The following RBM25 variants were observed in gnomAD, a reference collection of about 807,000 sequenced individuals.
The protein encoded by RBM25 is RNA-binding protein 25.
A neutral mutation model predicts 120.7 loss-of-function variants in RBM25; 19 were observed. The observed-to-expected ratio is 0.16, with a 90% CI of 0.11 to 0.23. The LOEUF is 0.23. Among genes scored for constraint, RBM25 ranks in the 10% least tolerant of loss-of-function variants. RBM25 has a pLI of 1.00. For missense variants in RBM25, 605 were observed against 1,041.5 expected, an observed-to-expected ratio of 0.58 and a Z score of 5.77; for synonymous variants, 390 against 326.7, an observed-to-expected ratio of 1.19 and a Z score of -2.09.
chr14:73,075,084 G>A (rs1041409905), intron 2 of RBM25, among the ~76,000 whole-genome samples: 6 of 151,240 alleles, frequency 4.0e-5, no homozygotes, highest in East Asian at 1.9e-4. Context: ...CTAGCACACC[G>A]CAGCCTTGAA....
chr14:73,090,708 T>C (rs1895794765), intron 6 of RBM25, among the ~76,000 whole-genome samples: 1 of 152,188 alleles, frequency 6.6e-6, no homozygotes, highest in Non-Finnish European at 1.5e-5. Flanking sequence ...CCATATTCTC[T>C]TTCAACCCCC....
intron 6 of RBM25, among the ~76,000 whole-genome samples, chr14:73,092,832 G>A (rs1381067243): frequency 1.3e-5 from 2 of 152,104 alleles, no homozygotes; most frequent in African/African-American, 4.8e-5. Flanking sequence ...CTCCCAAAGT[G>A]CTGGGTTTAC....
chr14:73,093,948 G>GTTT lies in RBM25; in HGVS notation c.544-2951_544-2949dup, dbSNP rs1004873413. Among the ~76,000 whole-genome samples the GTTT allele has an allele frequency of 7.3e-3, 895 of 122,164 alleles. 27 individuals carry two copies. Among genetic ancestry groups the GTTT allele is most frequent in the African/African-American group, 0.026 (798 of 31,002 alleles). 80.1% of individuals were successfully genotyped at this position (122,164 alleles called of 152,430 possible). The stretch of plus-strand genomic sequence containing the variant: ...TGATCATCTACCATGATCAGGTTTT[G>GTTT]TTTTTTTTTTTTTTTTTTCTTGAGA... On this transcript the variant is annotated intron_variant, in intron 6 of 18. Transcript: ENST00000261973.
chr14:73,109,302 C>A, intron 13 of RBM25, 40 bp from the exon 14 acceptor site: 1 of 1,584,720 alleles, frequency 6.3e-7, no homozygotes, highest in South Asian at 1.2e-5. Flanking sequence ...TCTCAATGAT[C>A]GGAGTATTAA....
At chr14:73,083,828 C>T (rs1895620622) in intron 5 of RBM25, among the ~76,000 whole-genome samples, 2 of 151,278 alleles carry the variant, frequency 1.3e-5, no homozygotes, top group African/African-American at 4.8e-5. Context: ...TCTTTTGTCT[C>T]AAGAAATGAC....
At chr14:73,090,451 C>T (rs1024457484) in intron 6 of RBM25, among the ~76,000 whole-genome samples, 1 of 152,230 alleles carries the variant, frequency 6.6e-6, no homozygotes, top group African/African-American at 2.4e-5. Context: ...TGTACCTCCA[C>T]AGTCTTCCCT....
In RBM25 at chr14:73,122,830, C is replaced by T. The variant is rs1896559894; in HGVS notation, c.*3025C>T. On this transcript the variant is annotated 3_prime_UTR_variant, in exon 19 of 19. Coordinates refer to ENST00000261973, the MANE Select transcript of RBM25 (RefSeq NM_021239.3). Reference sequence around the variant, plus strand: ...TTTCTGGACAGCTCCCAGCTAATGTCATTGCCAACTGATCCAAGACTACAT... The same window carrying T: ...TTTCTGGACAGCTCCCAGCTAATGTTATTGCCAACTGATCCAAGACTACAT... 3 of 152,200 alleles carry T rather than the reference C, an allele frequency of 2.0e-5. No individual in the cohort carries two copies. The highest frequency in any genetic ancestry group is 6.5e-5 in the Admixed American group (1 of 15,282). The allele number at this position is 152,200 out of a possible 1,614,324, so 9.4% of individuals were successfully genotyped here.
At chr14:73,069,213 C>T (rs1895216073) in intron 1 of RBM25, among the ~76,000 whole-genome samples, 1 of 152,124 alleles carries the variant, frequency 6.6e-6, no homozygotes, top group Non-Finnish European at 1.5e-5. Context: ...TGGAATAAAA[C>T]TTTTGTGAAC....
chr14:73,108,226 C>G (rs1465495320), intron 13 of RBM25, among the ~76,000 whole-genome samples: 1 of 151,970 alleles, frequency 6.6e-6, no homozygotes, highest in Admixed American at 6.6e-5. Flanking sequence ...AGGGTCTTAC[C>G]TCGGCTGGAA....
rs991028718 is a variant in RBM25 at position 73,121,889 on chromosome 14, A to G, written c.*2084A>G. 2 of 152,252 alleles carry G rather than the reference A, an allele frequency of 1.3e-5. No homozygotes were observed. Among genetic ancestry groups the G allele is most frequent in the Non-Finnish European group, 2.9e-5 (2 of 68,042 alleles). The allele number at this position is 152,252 out of a possible 1,614,324, so 9.4% of individuals were successfully genotyped here. A position where few individuals can be genotyped will look rare whatever the true frequency, so the allele number is the denominator to read the frequency against. Reference sequence around the variant, plus strand: ...CAGTGAGGTTTGTGACAGGACCTCAACTAAATATATGAATTTGTGCAAGTT... The same window carrying G: ...CAGTGAGGTTTGTGACAGGACCTCAGCTAAATATATGAATTTGTGCAAGTT... On this transcript the variant is annotated 3_prime_UTR_variant, in exon 19 of 19. Transcript: ENST00000261973.
intron 6 of RBM25, among the ~76,000 whole-genome samples, chr14:73,092,766 G>A (rs1468835123): frequency 6.6e-6 from 1 of 151,770 alleles, no homozygotes; most frequent in Non-Finnish European, 1.5e-5. Flanking sequence ...GGGGTCTCGC[G>A]TTGTTGCCCA....
intron 1 of RBM25, among the ~76,000 whole-genome samples, chr14:73,062,039 T>C (rs1895016835): frequency 6.6e-6 from 1 of 151,356 alleles, no homozygotes; most frequent in Non-Finnish European, 1.5e-5. Flanking sequence ...CTGAATGGAC[T>C]TAGCATGAAC....
intron 14 of RBM25, among the ~76,000 whole-genome samples, chr14:73,109,976 C>G (rs1216556033): frequency 1.3e-5 from 2 of 151,750 alleles, no homozygotes; most frequent in East Asian, 3.9e-4. Context: ...CCTCCACTTC[C>G]CAGGCTCCAG....
chr14:73,081,998 C>T (rs1339433538), intron 4 of RBM25, among the ~76,000 whole-genome samples: 2 of 152,054 alleles, frequency 1.3e-5, no homozygotes, highest in African/African-American at 2.4e-5. Context: ...CGTTCTGGAG[C>T]CTTTTTTCAG....
intron 1 of RBM25, among the ~76,000 whole-genome samples, chr14:73,069,091 A>G (rs1163524147): frequency 6.6e-6 from 1 of 151,974 alleles, no homozygotes; most frequent in Non-Finnish European, 1.5e-5. Context: ...TTTAGTAGAG[A>G]TGGGGTTTCA....
chr14:73,110,148 G>A lies in RBM25; in HGVS notation c.1692+656G>A, dbSNP rs371494352. Among the ~76,000 whole-genome samples the A allele has an allele frequency of 5.3e-5, 8 of 149,990 alleles. No homozygotes were observed. In the South Asian group the frequency reaches 1.1e-3, roughly 20 times the overall value. On this transcript the variant is annotated intron_variant, in intron 14 of 18. Coordinates refer to ENST00000261973, the MANE Select transcript of RBM25 (RefSeq NM_021239.3). Reference sequence around the variant, plus strand: ...GATCCGCCCATCTTGGCATCCCAAAGTCCTGGGATTACAGGAGTGAACCAC... The same window carrying A: ...GATCCGCCCATCTTGGCATCCCAAAATCCTGGGATTACAGGAGTGAACCAC...
intron 18 of RBM25, among the ~76,000 whole-genome samples, chr14:73,118,630 A>G (rs1896482266): frequency 6.6e-6 from 1 of 152,188 alleles, no homozygotes; most frequent in African/African-American, 2.4e-5. Flanking sequence ...GTTTTGTCAG[A>G]CATGTATAAT....
At chr14:73,087,014 T>C (rs1454748470) in intron 5 of RBM25, among the ~76,000 whole-genome samples, 1 of 151,988 alleles carries the variant, frequency 6.6e-6, no homozygotes, top group Admixed American at 6.6e-5. Context: ...CTAAAGGTAC[T>C]TTTTTGAGGG....
chr14:73,111,689 G>C lies in RBM25; in HGVS notation c.2179G>C (p.Gly727Arg). Reference protein sequence around the residue: ...YGEDDKNATKGTVNTEEKRKH... With the variant: ...YGEDDKNATKRTVNTEEKRKH... Reference sequence around the variant, plus strand: ...TGAAGATGATAAAAATGCAACCAAAGGCACTGTAAACACTGAAGAAAAGCG... The same window carrying C: ...TGAAGATGATAAAAATGCAACCAAACGCACTGTAAACACTGAAGAAAAGCG... The change falls in exon 16 of 19, where the codon GGC (glycine) becomes CGC (arginine). Residue 727 changes from glycine to arginine, a missense_variant. Gly to Arg is a moderately radical substitution (Grantham distance 125, BLOSUM62 -2). Around this residue, in one of 4 missense-constraint regions of RBM25, gnomAD observed 465 missense variants for 741.6 expected, o/e 0.63. Transcript: ENST00000261973. 1 of 1,614,114 alleles carries C rather than the reference G, an allele frequency of 6.2e-7. No individual in the cohort carries two copies. The highest frequency in any genetic ancestry group is 8.5e-7 in the Non-Finnish European group (1 of 1,180,014).
Sources: gnomAD v4.1 joint callset for allele counts (sites outside exome capture counted in the v4.1 genomes callset) on GRCh38, gnomAD v4.1.1 for gene constraint, gnomAD v4.1.1 regional missense constraint, MANE v1.5 for transcripts, NCBI Gene and HGNC (gene_info 2026-07-23, HGNC 2026-07-21) for gene names.